BMPR2: variants seen among roughly 807,000 people sequenced by gnomAD.
BMPR2 encodes the protein bone morphogenetic protein receptor type-2.
A neutral mutation model predicts 100.8 loss-of-function variants in BMPR2; 29 were observed. The ratio of observed to expected loss-of-function variants is 0.29; its 90% confidence interval spans 0.21 to 0.39. The LOEUF is 0.39. Among genes scored for constraint, BMPR2 ranks in the 10% least tolerant of loss-of-function variants. BMPR2 has a pLI of 1.00. For synonymous variants in BMPR2, 382 were observed against 442.3 expected, an observed-to-expected ratio of 0.86 and a Z score of 1.71; for missense variants, 1,011 against 1,274.5, an observed-to-expected ratio of 0.79 and a Z score of 3.15.
intron 1 of BMPR2, among the ~76,000 whole-genome samples, chr2:202,455,628 T>G (rs1188960815): frequency 1.3e-5 from 2 of 152,194 alleles, no homozygotes; most frequent in East Asian, 1.9e-4. Flanking sequence ...AATGAACTCC[T>G]TTAAGAAGTG....
intron 3 of BMPR2, among the ~76,000 whole-genome samples, chr2:202,510,504 A>T (rs1359591315): frequency 6.6e-6 from 1 of 152,234 alleles, no homozygotes; most frequent in Non-Finnish European, 1.5e-5. Flanking sequence ...ATATTGTATC[A>T]TTCCAACTAT....
intron 1 of BMPR2, among the ~76,000 whole-genome samples, chr2:202,391,440 G>A (rs932119070): frequency 6.6e-6 from 1 of 151,564 alleles, no homozygotes; most frequent in African/African-American, 2.4e-5. Flanking sequence ...CAGTAGCTGG[G>A]ACTACAAGTG....
intron 1 of BMPR2, among the ~76,000 whole-genome samples, chr2:202,454,055 A>G (rs1209071333): frequency 6.6e-6 from 1 of 152,132 alleles, no homozygotes; most frequent in Non-Finnish European, 1.5e-5. Context: ...TTATTTCTGA[A>G]TAAGTAAAAA....
In BMPR2 at chr2:202,440,386, C is replaced by T. The variant is rs976069694; in HGVS notation, c.77-24423C>T. ...CCCAGACGGGGCGGCGGGGCAGAGG[C>T]GCTCCCCACATCTCAGACGATGGGC... On this transcript the variant is annotated intron_variant, in intron 1 of 12. Coordinates refer to ENST00000374580, the MANE Select transcript of BMPR2 (RefSeq NM_001204.7). Among the ~76,000 whole-genome samples the T allele has an allele frequency of 6.0e-4, 89 of 147,764 alleles. 6 individuals carry two copies. The highest frequency in any genetic ancestry group is 1.6e-3 in the African/African-American group (62 of 38,324).
At chr2:202,436,256 C>T (rs1691611554) in intron 1 of BMPR2, among the ~76,000 whole-genome samples, 1 of 150,426 alleles carries the variant, frequency 6.6e-6, no homozygotes. Flanking sequence ...AGTTAGAGAC[C>T]AGCCTGGGCA....
At position 202,556,060 on chromosome 2, in the gene BMPR2, C is replaced by G. The variant is rs1439778000; in HGVS notation, c.2395C>G (p.Pro799Ala). 1 of 1,614,044 alleles carries G rather than the reference C, an allele frequency of 6.2e-7. No homozygotes were observed. Among genetic ancestry groups the G allele is most frequent in the East Asian group, 2.2e-5 (1 of 44,892 alleles). Residue 799 changes from proline to alanine, a missense_variant, in exon 12 of 13, where the codon CCT (proline) becomes GCT (alanine). Around this residue, in one of 6 missense-constraint regions of BMPR2, gnomAD observed 508 missense variants for 552.0 expected, o/e 0.92. Transcript: ENST00000374580. ...GATGAATACAATCAATGCAGCAGAACCTCATGTGGTGACAGTCACCATGAA... is the reference window on the plus strand; with the variant it reads ...GATGAATACAATCAATGCAGCAGAAGCTCATGTGGTGACAGTCACCATGAA... ...AKMNTINAAE[P>A]HVVTVTMNGV...
intron 5 of BMPR2, among the ~76,000 whole-genome samples, chr2:202,515,314 G>A (rs553616956): frequency 4.6e-5 from 7 of 152,126 alleles, no homozygotes; most frequent in African/African-American, 1.7e-4. Context: ...GCTCATGCCT[G>A]TAATCCCAGT....
At chr2:202,419,332 T>C (rs1691207998) in intron 1 of BMPR2, among the ~76,000 whole-genome samples, 1 of 152,168 alleles carries the variant, frequency 6.6e-6, no homozygotes, top group Non-Finnish European at 1.5e-5. Context: ...TTGGGATTTA[T>C]GTTTATTTTT....
At chr2:202,384,571 T>TC (rs1690384577) in intron 1 of BMPR2, among the ~76,000 whole-genome samples, 1 of 47,446 alleles carries the variant, frequency 2.1e-5, no homozygotes, top group Non-Finnish European at 4.5e-5. Flanking sequence ...TTTCTTTCTT[T>TC]TTCTTTCTTT....
intron 1 of BMPR2, among the ~76,000 whole-genome samples, chr2:202,460,370 T>C (rs1692202785): frequency 6.7e-6 from 1 of 150,032 alleles, no homozygotes; most frequent in South Asian, 2.1e-4. Context: ...TTACTTGAAA[T>C]TAAACTAAAA....
intron 3 of BMPR2, among the ~76,000 whole-genome samples, chr2:202,470,628 G>C (rs1431737493): frequency 6.6e-6 from 1 of 151,852 alleles, no homozygotes; most frequent in Non-Finnish European, 1.5e-5. Flanking sequence ...GCCGGGCGCG[G>C]TGGCGGGCGC....
intron 1 of BMPR2, among the ~76,000 whole-genome samples, chr2:202,426,306 T>C (rs1162094985): frequency 1.3e-5 from 2 of 151,990 alleles, no homozygotes; most frequent in African/African-American, 2.4e-5. Context: ...TATGGCCGGG[T>C]ACGGTGGCTC....
chr2:202,445,206 T>TTTTA lies in BMPR2; in HGVS notation c.77-19589_77-19586dup, dbSNP rs1189962265. Reference sequence around the variant, plus strand: ...GGAGTCCCACAAGATATGCAAACATTTTTATTTATTTATTTATATTTGTAT... The same window carrying TTTTA: ...GGAGTCCCACAAGATATGCAAACATTTTTATTTATTTATTTATTTATATTTGTAT... On this transcript the variant is annotated intron_variant, in intron 1 of 12. Transcript: ENST00000374580. Among the ~76,000 whole-genome samples the TTTTA allele has an allele frequency of 1.3e-4, 20 of 150,120 alleles. 1 individual carries two copies. The highest frequency in any genetic ancestry group is 4.8e-4 in the African/African-American group (19 of 39,600).
At chr2:202,430,424 T>C (rs1444516779) in intron 1 of BMPR2, among the ~76,000 whole-genome samples, 2 of 152,240 alleles carry the variant, frequency 1.3e-5, no homozygotes, top group Non-Finnish European at 2.9e-5. Flanking sequence ...TAAAATATTC[T>C]TCAGACTTTG....
chr2:202,473,795 TAAATAAAATA>T lies in BMPR2; in HGVS notation c.418+6127_418+6136del, dbSNP rs537405726. Among the ~76,000 whole-genome samples, 251 of 124,246 alleles carry T rather than the reference TAAATAAAATA, an allele frequency of 2.0e-3. 1 individual carries two copies. Among genetic ancestry groups the T allele is most frequent in the Admixed American group, 3.2e-3 (39 of 12,010 alleles). The allele number at this position is 124,246 out of a possible 152,430, so 81.5% of individuals were successfully genotyped here. ...GACAGAGTGAGACACTGTCTCAAAA[TAAATAAAATA>T]AAATAAAATAAAATAAAATAGCCAG... On this transcript the variant is annotated intron_variant, in intron 3 of 12. Transcript: ENST00000374580.
chr2:202,465,792 G>GC (rs1402009553), intron 2 of BMPR2, among the ~76,000 whole-genome samples: 1 of 152,038 alleles, frequency 6.6e-6, no homozygotes, highest in Non-Finnish European at 1.5e-5. Flanking sequence ...GGCGGAGCTT[G>GC]CAGTGAGCCG....
At chr2:202,379,846 CTTT>C (rs1690235904) in intron 1 of BMPR2, among the ~76,000 whole-genome samples, 2 of 149,586 alleles carry the variant, frequency 1.3e-5, no homozygotes, top group Non-Finnish European at 2.9e-5. Flanking sequence ...CATTTTCTTT[CTTT>C]CTTTCTTTCT....
chr2:202,424,770 A>T (rs923714828), intron 1 of BMPR2, among the ~76,000 whole-genome samples: 3 of 152,180 alleles, frequency 2.0e-5, no homozygotes, highest in Middle Eastern at 3.2e-3. Flanking sequence ...CCAGAAATTT[A>T]GCCAATATAC....
At chr2:202,492,310 T>C (rs1214793859) in intron 3 of BMPR2, among the ~76,000 whole-genome samples, 1 of 152,110 alleles carries the variant, frequency 6.6e-6, no homozygotes, top group Non-Finnish European at 1.5e-5. Context: ...CTCTGCATTT[T>C]GTATTATAAA....
Sources: allele counts gnomAD v4.1 joint callset (sites outside exome capture counted in the v4.1 genomes callset), GRCh38; gene constraint gnomAD v4.1.1; regional missense constraint gnomAD v4.1.1; transcripts MANE v1.5; gene names NCBI Gene and HGNC (gene_info 2026-07-23, HGNC 2026-07-21).